Variants in GPR158 observed in about 807,000 individuals in gnomAD.
GPR158 encodes G protein-coupled receptor 158.
GPR158 carries 30 observed loss-of-function variants against 78.2 expected under a neutral mutation model. That is an observed-to-expected ratio of 0.38 (90% CI 0.29 to 0.52). The LOEUF is 0.52. GPR158 is among the 20% of genes least tolerant of loss of function. The pLI is 0.83. For synonymous variants in GPR158, 581 were observed against 591.1 expected (o/e 0.98, Z 0.25); for missense variants, 1,463 against 1,523.5 (o/e 0.96, Z 0.66).
intron 4 of GPR158, among the ~76,000 whole-genome samples, chr10:25,439,686 G>A (rs951234642): frequency 6.6e-6 from 1 of 152,116 alleles, no homozygotes; most frequent in African/African-American, 2.4e-5. Context: ...CCTTGAGGAT[G>A]CAGAGCTAAT....
intron 5 of GPR158, among the ~76,000 whole-genome samples, chr10:25,534,433 T>C (rs1836464709): frequency 1.3e-5 from 2 of 151,944 alleles, no homozygotes; most frequent in African/African-American, 4.8e-5. Flanking sequence ...TGAGGTCAGT[T>C]CGAGACCACC....
intron 4 of GPR158, among the ~76,000 whole-genome samples, chr10:25,464,023 GA>G (rs139169083): frequency 0.019 from 2,834 of 152,074 alleles, 99 homozygotes; most frequent in African/African-American, 0.065. Flanking sequence ...TATTTTGAAA[GA>G]AAAAAAGTGC....
intron 1 of GPR158, among the ~76,000 whole-genome samples, chr10:25,202,886 C>T (rs570153194): frequency 3.3e-5 from 5 of 152,234 alleles, no homozygotes; most frequent in Admixed American, 6.5e-5. Flanking sequence ...GTAAAAGTGT[C>T]CCTATTTCTC....
At chr10:25,233,031 G>A (rs552980378) in intron 2 of GPR158, among the ~76,000 whole-genome samples, 1 of 152,308 alleles carries the variant, frequency 6.6e-6, no homozygotes, top group South Asian at 2.1e-4. Flanking sequence ...AATATTTAGA[G>A]CAGTTATTGT....
At chr10:25,206,717 G>T (rs1853043505) in intron 1 of GPR158, among the ~76,000 whole-genome samples, 1 of 151,884 alleles carries the variant, frequency 6.6e-6, no homozygotes, top group Admixed American at 6.6e-5. Flanking sequence ...CTTACTGGCT[G>T]CCTATTATGT....
rs561037831 is a variant in GPR158 at position 25,245,145 on chromosome 10, G to A, written c.1008+23988G>A. ...AGAGAATATTGAAATGTCTTTGAAAGCATCTTTATCTATCACGATGCTCAA... is the reference window on the plus strand; with the variant it reads ...AGAGAATATTGAAATGTCTTTGAAAACATCTTTATCTATCACGATGCTCAA... On this transcript the variant is annotated intron_variant, in intron 2 of 10. Coordinates refer to ENST00000376351, the MANE Select transcript of GPR158 (RefSeq NM_020752.3). Among the ~76,000 whole-genome samples the A allele has an allele frequency of 1.4e-4, 22 of 152,292 alleles. No homozygotes were observed. In the East Asian group the frequency reaches 3.9e-3, roughly 27 times the overall value.
chr10:25,345,141 CT>C (rs1461111928), intron 2 of GPR158, among the ~76,000 whole-genome samples: 1 of 152,016 alleles, frequency 6.6e-6, no homozygotes, highest in Non-Finnish European at 1.5e-5. Context: ...CAGATTCCAT[CT>C]GCTCTATATT....
intron 6 of GPR158, among the ~76,000 whole-genome samples, chr10:25,563,022 T>C (rs1356950890): frequency 6.6e-6 from 1 of 152,194 alleles, no homozygotes; most frequent in African/African-American, 2.4e-5. Flanking sequence ...TTTATAATTA[T>C]ATAATGTCAT....
intron 2 of GPR158, among the ~76,000 whole-genome samples, chr10:25,286,219 C>G (rs966790337): frequency 2.0e-5 from 3 of 151,494 alleles, no homozygotes; most frequent in Non-Finnish European, 2.9e-5. Flanking sequence ...ATCAAATGTT[C>G]CCTCATATAT....
chr10:25,479,756 T>A (rs538406676), intron 5 of GPR158, among the ~76,000 whole-genome samples: 38 of 152,304 alleles, frequency 2.5e-4, no homozygotes, highest in African/African-American at 8.4e-4. Flanking sequence ...ATTATGATAT[T>A]CCCTTTCAAT....
intron 7 of GPR158, among the ~76,000 whole-genome samples, chr10:25,579,004 C>T (rs1220332863): frequency 4.7e-5 from 7 of 149,854 alleles, no homozygotes; most frequent in African/African-American, 7.5e-5. Flanking sequence ...AGCAAGACTC[C>T]GTCTCAAAAA....
intron 2 of GPR158, among the ~76,000 whole-genome samples, chr10:25,288,308 T>C (rs747785455): frequency 6.6e-6 from 1 of 152,182 alleles, no homozygotes; most frequent in Non-Finnish European, 1.5e-5. Context: ...TTAATCAGGG[T>C]ACTTCAGAAT....
chr10:25,228,050 T>G (rs1468413399), intron 2 of GPR158, among the ~76,000 whole-genome samples: 1 of 152,202 alleles, frequency 6.6e-6, no homozygotes, highest in Non-Finnish European at 1.5e-5. Context: ...TACCTGTTTT[T>G]TCTCTACTTC....
intron 5 of GPR158, among the ~76,000 whole-genome samples, chr10:25,481,829 G>C (rs824607): frequency 0.41 from 62,243 of 152,094 alleles, 14,983 homozygotes; most frequent in East Asian, 0.8. Flanking sequence ...CCATATGAGT[G>C]TGAATTGGTA....
chr10:25,317,918 A>G (rs113813637), intron 2 of GPR158, among the ~76,000 whole-genome samples: 30,444 of 151,662 alleles, frequency 0.2, 5,167 homozygotes, highest in African/African-American at 0.47. Context: ...TAGTAGGGAC[A>G]GGGTTTCACC....
chr10:25,513,899 A>C (rs952709844), intron 5 of GPR158, among the ~76,000 whole-genome samples: 1 of 152,060 alleles, frequency 6.6e-6, no homozygotes, highest in Admixed American at 6.6e-5. Flanking sequence ...ATATAATATC[A>C]ATTGTTTTAA....
chr10:25,254,290 C>T (rs534981271), intron 2 of GPR158, among the ~76,000 whole-genome samples: 14 of 152,120 alleles, frequency 9.2e-5, no homozygotes, highest in Admixed American at 2.0e-4. Flanking sequence ...TTCTTCATGG[C>T]AAAACAGGAC....
At chr10:25,472,364 A>G (rs1450105309) in intron 5 of GPR158, among the ~76,000 whole-genome samples, 1 of 152,110 alleles carries the variant, frequency 6.6e-6, no homozygotes, top group Admixed American at 6.5e-5. Flanking sequence ...TGGTTACTGT[A>G]GCCTTGTAGT....
intron 2 of GPR158, among the ~76,000 whole-genome samples, chr10:25,347,195 T>C (rs930163939): frequency 6.6e-6 from 1 of 151,924 alleles, no homozygotes; most frequent in South Asian, 2.1e-4. Context: ...GAGAAGTGGT[T>C]TCCTTGTCTG....
Sources: gnomAD v4.1 joint callset for allele counts (sites outside exome capture counted in the v4.1 genomes callset) on GRCh38, gnomAD v4.1.1 for gene constraint, MANE v1.5 for transcripts, NCBI Gene and HGNC (gene_info 2026-07-23, HGNC 2026-07-21) for gene names.